The following TFPI variants were observed in gnomAD, a reference collection of about 807,000 sequenced individuals.
TFPI encodes tissue factor pathway inhibitor.
A neutral mutation model predicts 34.6 loss-of-function variants in TFPI; 15 were observed. That is an observed-to-expected ratio of 0.43 (90% confidence interval 0.29 to 0.67). TFPI has a LOEUF of 0.67. TFPI is among the 30% of genes least tolerant of loss of function. The pLI is 0.15. For synonymous variants in TFPI, 105 were observed against 120.1 expected (o/e 0.87, Z 0.82); for missense variants, 301 against 364.0 (o/e 0.83, Z 1.41).
chr2:187,466,742 C>A lies in TFPI; in HGVS notation c.*194G>T. 3.2e-6 allele frequency: 1 copy of A among 312,536 alleles called. No individual in the cohort carries two copies. The highest frequency in any genetic ancestry group is 5.2e-5 in the Admixed American group (1 of 19,146). 19.4% of individuals were successfully genotyped at this position (312,536 alleles called of 1,614,324 possible). The stretch of plus-strand genomic sequence containing the variant: ...TTCCCAGTAGCCAGTTAATAAATTA[C>A]AGACCTAGAATAAGCAATTTAACAA... On this transcript the variant is annotated 3_prime_UTR_variant, in exon 8 of 8. Coordinates refer to ENST00000233156, the MANE Select transcript of TFPI (RefSeq NM_006287.6).
chr2:187,504,242 T>G (rs2106122329), intron 1 of TFPI, among the ~76,000 whole-genome samples: 1 of 152,302 alleles, frequency 6.6e-6, no homozygotes, highest in South Asian at 2.1e-4. Context: ...CTCTAGTTCT[T>G]CTTTTAAAAA....
intron 1 of TFPI, among the ~76,000 whole-genome samples, chr2:187,538,947 A>C (rs1688417583): frequency 6.6e-6 from 1 of 152,176 alleles, no homozygotes; most frequent in Non-Finnish European, 1.5e-5. Context: ...ACAGGAGAAG[A>C]ATTATTGGGT....
chr2:187,522,891 A>AAAATAAAT lies in TFPI; in HGVS notation c.-2-19129_-2-19122dup, dbSNP rs138871269. Among the ~76,000 whole-genome samples the AAAATAAAT allele has an allele frequency of 5.2e-3, 742 of 142,582 alleles. 10 individuals are homozygous for AAAATAAAT. The highest frequency in any genetic ancestry group is 0.018 in the African/African-American group (682 of 38,290). The allele number at this position is 142,582 out of a possible 152,430, so 93.5% of individuals were successfully genotyped here. ...GGGTGACAGAGCGAGACTGTGTCTCAAAATAAATAAATAAATAAATAAATA... is the reference window on the plus strand; with the variant it reads ...GGGTGACAGAGCGAGACTGTGTCTCAAAATAAATAAATAAATAAATAAATAAATAAATA... On this transcript the variant is annotated intron_variant, in intron 1 of 7. Transcript: ENST00000233156.
At chr2:187,510,753 A>G (rs1686566892) in intron 1 of TFPI, among the ~76,000 whole-genome samples, 2 of 151,814 alleles carry the variant, frequency 1.3e-5, no homozygotes, top group African/African-American at 4.8e-5. Context: ...CCAGTCACGT[A>G]CCCCCTGCTT....
chr2:187,526,876 G>C (rs1031462122), intron 1 of TFPI: 1 of 151,588 alleles, frequency 6.6e-6, no homozygotes, highest in Non-Finnish European at 1.5e-5. Flanking sequence ...CTGACAACCA[G>C]AAAAGAAAAA....
intron 3 of TFPI, among the ~76,000 whole-genome samples, chr2:187,493,420 T>C (rs1685253909): frequency 6.6e-6 from 1 of 152,154 alleles, no homozygotes; most frequent in Non-Finnish European, 1.5e-5. Flanking sequence ...AGGCCTGTGA[T>C]GGGAAGAGCT....
Position 187,552,205 on chromosome 2 carries a change from G to A in TFPI, c.-3+1995C>T, listed in dbSNP as rs1421384915. Among the ~76,000 whole-genome samples the A allele has an allele frequency of 2.6e-5, 4 of 151,600 alleles. No individual in the cohort carries two copies. The East Asian group carries it at 7.8e-4, about 29-fold the overall frequency. Reference sequence around the variant, plus strand: ...CAGTTGAAAGATACCTTAAAATTTTGTGACACTGAATTTAATCAGCCAACC... The same window carrying A: ...CAGTTGAAAGATACCTTAAAATTTTATGACACTGAATTTAATCAGCCAACC... On this transcript the variant is annotated intron_variant, in intron 1 of 7. Coordinates refer to ENST00000233156, the MANE Select transcript of TFPI (RefSeq NM_006287.6).
intron 2 of TFPI, 36 bp from the exon 3 acceptor site, chr2:187,497,114 T>G (rs772541226): frequency 6.5e-7 from 1 of 1,548,288 alleles, no homozygotes; most frequent in Non-Finnish European, 8.8e-7. Context: ...ACATGTAATC[T>G]CCATCAACAC....
intron 2 of TFPI, among the ~76,000 whole-genome samples, chr2:187,501,924 A>G (rs1030243405): frequency 2.6e-5 from 4 of 152,158 alleles, no homozygotes; most frequent in African/African-American, 9.6e-5. Flanking sequence ...GAGAAGCAAT[A>G]AAATTTGATG....
chr2:187,538,941 GAGA>G (rs1389192646), intron 1 of TFPI, among the ~76,000 whole-genome samples: 2 of 152,010 alleles, frequency 1.3e-5, no homozygotes, highest in African/African-American at 2.4e-5. Context: ...AAATTCACAG[GAGA>G]AGAATTATTG....
At chr2:187,471,040 C>G (rs1046058684) in intron 6 of TFPI, among the ~76,000 whole-genome samples, 1 of 152,098 alleles carries the variant, frequency 6.6e-6, no homozygotes, top group Non-Finnish European at 1.5e-5. Flanking sequence ...GGCAATATTT[C>G]GATAGTGCAT....
intron 2 of TFPI, chr2:187,499,388 T>C (rs2106099006): frequency 6.6e-6 from 1 of 152,238 alleles, no homozygotes; most frequent in Non-Finnish European, 1.5e-5. Context: ...TTAAAACACA[T>C]TTTCTCTATC....
intron 1 of TFPI, among the ~76,000 whole-genome samples, chr2:187,524,441 T>C (rs1013521454): frequency 1.3e-5 from 2 of 152,076 alleles, no homozygotes; most frequent in Non-Finnish European, 2.9e-5. Flanking sequence ...TATATTTATG[T>C]GTGCTGTCTC....
chr2:187,475,182 A>G lies in TFPI; in HGVS notation c.629-7250T>C, dbSNP rs150638133. On this transcript the variant is annotated intron_variant, in intron 6 of 7. Coordinates refer to ENST00000233156, the MANE Select transcript of TFPI (RefSeq NM_006287.6). ...GGTAGTCCCGTGTAGGAGACACTCA[A>G]TGTTTGCTGAAATGAACTGAAATTA... Among the ~76,000 whole-genome samples, 9 of 152,246 alleles carry G rather than the reference A, an allele frequency of 5.9e-5. No homozygotes were observed. The South Asian group carries it at 1.7e-3, about 28-fold the overall frequency.
intron 3 of TFPI, among the ~76,000 whole-genome samples, chr2:187,493,560 T>A (rs1685263189): frequency 6.6e-6 from 1 of 152,216 alleles, no homozygotes; most frequent in African/African-American, 2.4e-5. Flanking sequence ...AATTTTCTTT[T>A]CACTTGCATT....
intron 1 of TFPI, among the ~76,000 whole-genome samples, chr2:187,539,127 C>T (rs1234123691): frequency 6.6e-6 from 1 of 151,650 alleles, no homozygotes; most frequent in African/African-American, 2.4e-5. Flanking sequence ...TTCTTTCAAA[C>T]TTTATCAATT....
chr2:187,536,261 C>T (rs1490568178), intron 1 of TFPI, among the ~76,000 whole-genome samples: 1 of 152,154 alleles, frequency 6.6e-6, no homozygotes, highest in East Asian at 1.9e-4. Context: ...GATACCAAAA[C>T]CTGGCAGAGA....
intron 3 of TFPI, among the ~76,000 whole-genome samples, chr2:187,490,534 A>G (rs2106046842): frequency 6.6e-6 from 1 of 151,624 alleles, no homozygotes; most frequent in African/African-American, 2.4e-5. Flanking sequence ...ACTTTTACTA[A>G]TCATTCTTAT....
chr2:187,537,563 C>T (rs1688329463), intron 1 of TFPI, among the ~76,000 whole-genome samples: 1 of 152,166 alleles, frequency 6.6e-6, no homozygotes, highest in African/African-American at 2.4e-5. Flanking sequence ...TGGACCCCTT[C>T]CTTATACCTT....
Sources: allele counts gnomAD v4.1 joint callset (sites outside exome capture counted in the v4.1 genomes callset), GRCh38; gene constraint gnomAD v4.1.1; transcripts MANE v1.5; gene names NCBI Gene and HGNC (gene_info 2026-07-23, HGNC 2026-07-21).